Variants in CLC observed in about 807,000 individuals in gnomAD.
CLC encodes the protein Charcot-Leyden crystal galectin.
A neutral mutation model predicts 13.9 loss-of-function variants in CLC; 15 were observed. The ratio of observed to expected loss-of-function variants is 1.08; its 90% CI spans 0.72 to 1.66. The LOEUF (loss-of-function observed/expected upper bound fraction) is 1.66, where lower values mean the gene tolerates loss of function less well. CLC is among the 40% of genes most tolerant of loss of function. The probability of loss-of-function intolerance (pLI) is 0.00; values close to 1 mark genes in which losing one functional copy is unlikely to be tolerated. For missense variants in CLC, 161 were observed against 169.1 expected, an observed-to-expected ratio of 0.95 and a Z score of 0.27; for synonymous variants, 68 against 59.9, an observed-to-expected ratio of 1.14 and a Z score of -0.63.
At chr19:39,735,875 G>A (rs752131492) in intron 1 of CLC, among the ~76,000 whole-genome samples, 1 of 152,206 alleles carries the variant, frequency 6.6e-6, no homozygotes, top group African/African-American at 2.4e-5. Flanking sequence ...GGATGTAACA[G>A]TAGAGAGATT....
chr19:39,737,634 C>T (rs1206736612), intron 1 of CLC, among the ~76,000 whole-genome samples: 1 of 152,072 alleles, frequency 6.6e-6, no homozygotes, highest in Non-Finnish European at 1.5e-5. Context: ...CACTTACACA[C>T]CCACCCATAT....
chr19:39,737,878 C>G (rs148774612), intron 1 of CLC, 60 bp downstream of exon 1: 1 of 1,536,238 alleles, frequency 6.5e-7, no homozygotes, highest in African/African-American at 1.4e-5. Context: ...CCCATAAAAT[C>G]TCCCTCTTCC....
rs758123848 is a variant in CLC at position 39,734,486 on chromosome 19, G to A, written c.100C>T (p.Pro34Ser). Residue 34 changes from proline to serine, a missense_variant, in exon 3 of 4, where the codon CCA becomes TCA. Pro to Ser is a moderately conservative substitution (Grantham distance 74, BLOSUM62 -1). Coordinates refer to ENST00000221804, the MANE Select transcript of CLC (RefSeq NM_001828.6). ...GRPLACFLNE[P>S]YLQVDFHTEM... ...GTGTGGAAATCCACCTGCAGATATG[G>A]TTCATTCCTGAGGGCAGAGCACACA... 1.2e-6 allele frequency: 2 copies of A among 1,613,734 alleles called. No individual in the cohort carries two copies. The highest frequency in any genetic ancestry group is 4.5e-5 in the East Asian group (2 of 44,856).
intron 1 of CLC, among the ~76,000 whole-genome samples, chr19:39,736,908 A>T (rs543707128): frequency 7.4e-4 from 112 of 152,222 alleles, no homozygotes; most frequent in African/African-American, 2.6e-3. Context: ...TGGAAAGATG[A>T]AATCTTGCTA....
intron 3 of CLC, 27 bp downstream of exon 3, chr19:39,734,256 G>A: frequency 6.2e-7 from 1 of 1,605,988 alleles, no homozygotes; most frequent in Non-Finnish European, 8.5e-7. Context: ...ATGGAAGCCG[G>A]GTGCGGGGAG....
intron 1 of CLC, 144 bp from the exon 2 acceptor site, chr19:39,735,217 G>T (rs372081): frequency 0.65 from 397,260 of 612,004 alleles, 132,130 homozygotes; most frequent in African/African-American, 0.76. Flanking sequence ...TCAGGACCCC[G>T]TATTTTTCAA....
At chr19:39,736,381 G>A (rs1196761546) in intron 1 of CLC, among the ~76,000 whole-genome samples, 2 of 152,144 alleles carry the variant, frequency 1.3e-5, no homozygotes, top group Non-Finnish European at 2.9e-5. Context: ...AAGATTGTGG[G>A]TCAGGGAAGT....
intron 3 of CLC, 59 bp downstream of exon 3, chr19:39,734,224 C>T: frequency 6.4e-7 from 1 of 1,552,612 alleles, no homozygotes; most frequent in Non-Finnish European, 8.8e-7. Context: ...GCATGAAGAG[C>T]TGCCTCCTGC....
At chr19:39,733,597 T>C (rs958968737) in intron 3 of CLC, among the ~76,000 whole-genome samples, 2 of 152,208 alleles carry the variant, frequency 1.3e-5, no homozygotes, top group East Asian at 1.9e-4. Context: ...GGGAATATTA[T>C]GTAATCCTTA....
chr19:39,731,516 A>G lies in CLC; in HGVS notation c.304-11T>C, dbSNP rs1600844841. 1.3e-6 allele frequency: 2 copies of G among 1,586,404 alleles called. No individual in the cohort carries two copies. Among genetic ancestry groups the G allele is most frequent in the Non-Finnish European group, 1.7e-6 (2 of 1,164,678 alleles). On this transcript the variant is annotated splice_polypyrimidine_tract_variant and intron_variant, in intron 3 of 3. Coordinates refer to ENST00000221804, the MANE Select transcript of CLC (RefSeq NM_001828.6). ...GCCATTGACCATTACCTACAGAAGG[A>G]AAAAAATACATCAGAAAGACAGTAT...
At chr19:39,735,101 G>C (rs757470903) in intron 1 of CLC, 28 bp from the exon 2 acceptor site, 1 of 1,563,146 alleles carries the variant, frequency 6.4e-7, no homozygotes, top group Non-Finnish European at 8.8e-7. Context: ...GTGGGTGAGA[G>C]AGGCAGGGCC....
At chr19:39,735,507 G>A (rs1967294901) in intron 1 of CLC, among the ~76,000 whole-genome samples, 1 of 152,052 alleles carries the variant, frequency 6.6e-6, no homozygotes, top group African/African-American at 2.4e-5. Context: ...GGAGAGTTGG[G>A]GTTTCACGAT....
At chr19:39,735,455 C>G (rs1444669435) in intron 1 of CLC, among the ~76,000 whole-genome samples, 1 of 152,186 alleles carries the variant, frequency 6.6e-6, no homozygotes, top group Admixed American at 6.5e-5. Context: ...TCTTGAGTAG[C>G]TGAGACTATT....
In CLC at chr19:39,731,468, T is replaced by C. The variant is rs1039592896; in HGVS notation, c.341A>G (p.His114Arg). The change falls in exon 4 of 4, where the codon CAT (histidine) becomes CGT (arginine). Residue 114 changes from histidine to arginine, a missense_variant. Coordinates refer to ENST00000221804, the MANE Select transcript of CLC (RefSeq NM_001828.6). ...VNGQSSYTFD[H>R]RIKPEAVKMV... Reference sequence around the variant, plus strand: ...CTTCACAGCCTCAGGCTTGATTCTATGGTCAAAGGTGTAAGAGGATTGGCC... The same window carrying C: ...CTTCACAGCCTCAGGCTTGATTCTACGGTCAAAGGTGTAAGAGGATTGGCC... The C allele has an allele frequency of 1.9e-6, 3 of 1,613,574 alleles. No individual in the cohort carries two copies. Among genetic ancestry groups the C allele is most frequent in the Non-Finnish European group, 2.5e-6 (3 of 1,179,576 alleles).
At chr19:39,736,668 G>A (rs911942679) in intron 1 of CLC, among the ~76,000 whole-genome samples, 2 of 151,624 alleles carry the variant, frequency 1.3e-5, no homozygotes, top group African/African-American at 2.4e-5. Flanking sequence ...CCAGCTACTC[G>A]GGAAGCTGAG....
chr19:39,731,899 A>C (rs1256340138), intron 3 of CLC, among the ~76,000 whole-genome samples: 1 of 152,186 alleles, frequency 6.6e-6, no homozygotes, highest in Non-Finnish European at 1.5e-5. Flanking sequence ...TCAGTTACAT[A>C]AATTATGACT....
chr19:39,737,621 A>T (rs1357894184), intron 1 of CLC, among the ~76,000 whole-genome samples: 1 of 152,048 alleles, frequency 6.6e-6, no homozygotes, highest in Non-Finnish European at 1.5e-5. Flanking sequence ...ACCTGATTAC[A>T]ATCACTTACA....
At position 39,734,931 on chromosome 19, in the gene CLC, G is replaced by A. The variant is rs1289526811; in HGVS notation, c.92+66C>T. The A allele has an allele frequency of 3.3e-6, 4 of 1,226,826 alleles. No homozygotes were observed. In the African/African-American group the frequency reaches 4.5e-5, roughly 14 times the overall value. The allele number at this position is 1,226,826 out of a possible 1,614,324, so 76.0% of individuals were successfully genotyped here. On this transcript the variant is annotated intron_variant, in intron 2 of 3. Transcript: ENST00000221804. ...GACTTTCCACATGATTCACACATGA[G>A]GTCACCCCCTTAGAAAATATTCTTC...
rs562905804 is a variant in CLC, at chr19:39,735,931, A to G, written c.16-858T>C. 2.0e-5 allele frequency among the ~76,000 whole-genome samples: 3 copies of G among 152,328 alleles called. No homozygotes were observed. The South Asian group carries it at 6.2e-4, about 32-fold the overall frequency. On this transcript the variant is annotated intron_variant, in intron 1 of 3. Transcript: ENST00000221804. ...ACTTTGGGTTAGTTTCAATTTGAGA[A>G]CAGCTACAAATAATGACACTATAAA...
Sources: gnomAD v4.1 joint callset for allele counts (sites outside exome capture counted in the v4.1 genomes callset) on GRCh38, gnomAD v4.1.1 for gene constraint, MANE v1.5 for transcripts, NCBI Gene and HGNC (gene_info 2026-07-23, HGNC 2026-07-21) for gene names.